Variants in TESC observed in about 807,000 individuals in gnomAD.
The protein encoded by TESC is calcineurin B homologous protein 3.
A neutral mutation model predicts 31.0 loss-of-function variants in TESC; 19 were observed. The ratio of observed to expected loss-of-function variants is 0.61; its 90% CI spans 0.43 to 0.90. TESC has a LOEUF of 0.90. Among genes scored for constraint, TESC ranks in the 40% least tolerant of loss-of-function variants. The pLI is 0.00. For missense variants in TESC, 248 were observed against 303.8 expected (o/e 0.82, Z 1.36); for synonymous variants, 109 against 114.8 (o/e 0.95, Z 0.32).
At chr12:117,099,163 C>T (rs2135813311) in intron 1 of TESC, 62 bp downstream of exon 1, 1 of 1,454,608 alleles carries the variant, frequency 6.9e-7, no homozygotes, top group African/African-American at 1.5e-5. Context: ...GGCCGGGGTC[C>T]CCAACAGTGG....
rs566998196 is a variant in TESC, at chr12:117,069,133, C to T, written c.128+6138G>A. 1.2e-4 allele frequency among the ~76,000 whole-genome samples: 18 copies of T among 151,880 alleles called. No homozygotes were observed. In the East Asian group the frequency reaches 1.4e-3, roughly 11 times the overall value. On this transcript the variant is annotated intron_variant, in intron 2 of 7. Coordinates refer to ENST00000335209, the MANE Select transcript of TESC (RefSeq NM_017899.4). ...TTTCTTTTCTATTCAGGCATTTTGC[C>T]GAGAGGCCACAGAAATTCAGTGCTT... is the stretch of plus-strand genomic sequence containing the variant.
At chr12:117,047,277 C>G (rs1457032168) in intron 4 of TESC, among the ~76,000 whole-genome samples, 1 of 152,254 alleles carries the variant, frequency 6.6e-6, no homozygotes, top group Admixed American at 6.5e-5. Context: ...CACAGTGCTT[C>G]TGATCTGGGC....
chr12:117,068,200 G>C (rs1954913771), intron 2 of TESC, among the ~76,000 whole-genome samples: 1 of 151,724 alleles, frequency 6.6e-6, no homozygotes, highest in Non-Finnish European at 1.5e-5. Flanking sequence ...GGCCAATCTT[G>C]TGGTAACTTC....
chr12:117,045,629 G>A (rs1954546588), intron 6 of TESC, among the ~76,000 whole-genome samples: 1 of 152,234 alleles, frequency 6.6e-6, no homozygotes, highest in African/African-American at 2.4e-5. Flanking sequence ...GCCCCTGGGG[G>A]CAGGCCCAGG....
chr12:117,044,773 T>G (rs959365078), intron 6 of TESC, among the ~76,000 whole-genome samples: 12 of 152,204 alleles, frequency 7.9e-5, no homozygotes, highest in Non-Finnish European at 1.5e-4. Context: ...GGCACACGCC[T>G]GTAATTCCAG....
At position 117,059,717 on chromosome 12, in the gene TESC, C is replaced by A. The variant is rs982418338; in HGVS notation, c.129-2831G>T. 2.0e-5 allele frequency among the ~76,000 whole-genome samples: 3 copies of A among 152,142 alleles called. No homozygotes were observed. In the South Asian group the frequency reaches 6.2e-4, roughly 32 times the overall value. ...AAGTGATTCTCCTGCCTCAGCCTCC[C>A]GAGTAGCTGGGATTACAGACATGTG... is the stretch of plus-strand genomic sequence containing the variant. On this transcript the variant is annotated intron_variant, in intron 2 of 7. Coordinates refer to ENST00000335209, the MANE Select transcript of TESC (RefSeq NM_017899.4).
intron 1 of TESC, among the ~76,000 whole-genome samples, chr12:117,077,856 G>A (rs1384162522): frequency 4.6e-5 from 7 of 152,034 alleles, no homozygotes; most frequent in South Asian, 4.2e-4. Context: ...CTAGATCTCC[G>A]TACACTTTAC....
intron 2 of TESC, among the ~76,000 whole-genome samples, chr12:117,073,464 G>A (rs1046152371): frequency 6.6e-6 from 1 of 152,192 alleles, no homozygotes. Context: ...TCATGAGACC[G>A]TCAGAATCTG....
chr12:117,093,960 G>A (rs535460066), intron 1 of TESC, among the ~76,000 whole-genome samples: 2 of 152,112 alleles, frequency 1.3e-5, no homozygotes, highest in African/African-American at 4.8e-5. Context: ...ACAGGAAGTG[G>A]GGCCAGCTCA....
chr12:117,046,510 T>C, intron 6 of TESC, 49 bp downstream of exon 6: 1 of 1,503,734 alleles, frequency 6.7e-7, no homozygotes, highest in Non-Finnish European at 8.9e-7. Flanking sequence ...ACGCAGACCA[T>C]AAGCGGGAAA....
intron 1 of TESC, among the ~76,000 whole-genome samples, chr12:117,094,334 G>A (rs1955362387): frequency 6.6e-6 from 1 of 152,194 alleles, no homozygotes; most frequent in African/African-American, 2.4e-5. Flanking sequence ...CTGGGGAGAT[G>A]CTGGGAGGGT....
chr12:117,049,820 G>A (rs538414561), intron 3 of TESC, among the ~76,000 whole-genome samples: 5 of 146,848 alleles, frequency 3.4e-5, no homozygotes, highest in Admixed American at 1.4e-4. Flanking sequence ...AGAATCGCTT[G>A]AACTCAGGAG....
At chr12:117,047,699 C>T (rs1007318241) in intron 4 of TESC, among the ~76,000 whole-genome samples, 2 of 152,158 alleles carry the variant, frequency 1.3e-5, no homozygotes, top group African/African-American at 2.4e-5. Context: ...GCTGGGATTA[C>T]AGGTGTGAGC....
intron 3 of TESC, among the ~76,000 whole-genome samples, chr12:117,056,307 T>C (rs1192472452): frequency 1.4e-5 from 2 of 145,778 alleles, no homozygotes; most frequent in African/African-American, 5.4e-5. Context: ...TCCACCCACC[T>C]TGGCCTCCCA....
rs149615990 is a variant in TESC, at chr12:117,079,892, T to C, written c.59-4552A>G. Among the ~76,000 whole-genome samples, 542 of 152,350 alleles carry C rather than the reference T, an allele frequency of 3.6e-3. 2 individuals are homozygous for C. Among genetic ancestry groups the C allele is most frequent in the African/African-American group, 0.011 (469 of 41,578 alleles). On this transcript the variant is annotated intron_variant, in intron 1 of 7. Transcript: ENST00000335209. ...GGTGAATCTCATGGTGTGTGAATTA[T>C]ATCTCAATAAAGCTATTTAAAAAAT... is the stretch of plus-strand genomic sequence containing the variant.
chr12:117,048,874 G>A (rs1954605727), intron 4 of TESC, 145 bp downstream of exon 4: 1 of 1,266,972 alleles, frequency 7.9e-7, no homozygotes, highest in South Asian at 1.3e-5. Flanking sequence ...GCCTCACAGG[G>A]ACGAGGGCTG....
At chr12:117,075,868 T>TATATATATAC (rs1955049252) in intron 1 of TESC, among the ~76,000 whole-genome samples, 1 of 28,298 alleles carries the variant, frequency 3.5e-5, no homozygotes, top group Non-Finnish European at 6.5e-5. Context: ...TATATATATA[T>TATATATATAC]ATGTGTGTAT....
intron 1 of TESC, among the ~76,000 whole-genome samples, chr12:117,078,951 C>G (rs1955109074): frequency 6.6e-6 from 1 of 152,202 alleles, no homozygotes; most frequent in Admixed American, 6.5e-5. Context: ...TGGCTGAGTA[C>G]TGTGTCCCAG....
intron 1 of TESC, among the ~76,000 whole-genome samples, chr12:117,093,618 C>A (rs1321455935): frequency 6.6e-6 from 1 of 152,212 alleles, no homozygotes; most frequent in African/African-American, 2.4e-5. Flanking sequence ...TCTCTTGAGC[C>A]TCAATGTCTG....
Sources: allele counts gnomAD v4.1 joint callset (sites outside exome capture counted in the v4.1 genomes callset), GRCh38; gene constraint gnomAD v4.1.1; transcripts MANE v1.5; gene names NCBI Gene and HGNC (gene_info 2026-07-23, HGNC 2026-07-21).